The following MIPOL1 variants were observed in gnomAD, a reference collection of about 807,000 sequenced individuals.
The protein encoded by MIPOL1 is mirror-image polydactyly gene 1 protein.
MIPOL1 carries 57 observed loss-of-function variants against 60.9 expected under a neutral mutation model. That is an observed-to-expected ratio of 0.94 (90% CI 0.76 to 1.17). The LOEUF is 1.17. Ranked by LOEUF, MIPOL1 falls within the 50% of genes most tolerant of loss-of-function variation. The pLI is 0.00. For missense variants in MIPOL1, 551 were observed against 511.6 expected (o/e 1.08, Z -0.74); for synonymous variants, 179 against 168.8 (o/e 1.06, Z -0.47).
At chr14:37,244,324 T>C (rs1972839642) in intron 1 of MIPOL1, among the ~76,000 whole-genome samples, 1 of 151,828 alleles carries the variant, frequency 6.6e-6, no homozygotes, top group Admixed American at 6.6e-5. Context: ...GGTTTCACCA[T>C]GTTGGCCAGG....
intron 6 of MIPOL1, among the ~76,000 whole-genome samples, chr14:37,275,860 A>G (rs567505944): frequency 4.0e-5 from 6 of 151,248 alleles, no homozygotes; most frequent in African/African-American, 1.4e-4. Context: ...TGGAGCATGG[A>G]GAGATTATGA....
In MIPOL1 at chr14:37,321,801, C is replaced by A. The variant is rs146241445; in HGVS notation, c.828+13282C>A. Among the ~76,000 whole-genome samples the A allele has an allele frequency of 3.8e-3, 578 of 151,992 alleles. 5 individuals are homozygous for A. Among genetic ancestry groups the A allele is most frequent in the African/African-American group, 0.013 (550 of 41,522 alleles). On this transcript the variant is annotated intron_variant, in intron 9 of 12. Transcript: ENST00000684589. ...TTACTGTATCTTCCTATAGAATAGACTTTTATCATTATGAAATGCCCACTT... is the reference window on the plus strand; with the variant it reads ...TTACTGTATCTTCCTATAGAATAGAATTTTATCATTATGAAATGCCCACTT...
At chr14:37,356,735 C>A (rs959063525) in intron 9 of MIPOL1, among the ~76,000 whole-genome samples, 8 of 152,198 alleles carry the variant, frequency 5.3e-5, no homozygotes, top group African/African-American at 9.6e-5. Context: ...TTGCGCTTCC[C>A]GAGTGAGGCA....
At chr14:37,451,697 G>T (rs1019567538) in intron 11 of MIPOL1, among the ~76,000 whole-genome samples, 2 of 151,722 alleles carry the variant, frequency 1.3e-5, no homozygotes, top group African/African-American at 4.9e-5. Flanking sequence ...GTTAGTTAAA[G>T]GATTATTTTT....
intron 10 of MIPOL1, 176 bp downstream of exon 10, chr14:37,369,800 A>G: frequency 2.4e-6 from 1 of 409,242 alleles, no homozygotes; most frequent in Non-Finnish European, 4.4e-6. Flanking sequence ...ATTTTATTTC[A>G]CGTATGTGTA....
chr14:37,295,457 C>A (rs140689206), intron 7 of MIPOL1, among the ~76,000 whole-genome samples: 2 of 151,950 alleles, frequency 1.3e-5, no homozygotes, highest in Admixed American at 1.3e-4. Context: ...CATAACAATC[C>A]TAACCTTAAA....
Position 37,475,620 on chromosome 14 carries a change from AG to A in MIPOL1, c.1032-24287del, listed in dbSNP as rs1244291753. On this transcript the variant is annotated intron_variant, in intron 11 of 12. Coordinates refer to ENST00000684589, the MANE Select transcript of MIPOL1 (RefSeq NM_001388067.1). The stretch of plus-strand genomic sequence containing the variant: ...TGTGAAAAGTGCAAGGTCTTTGTCT[AG>A]ATTCATTTTTTCATGTGGATATCCA... Among the ~76,000 whole-genome samples, 6 of 152,136 alleles carry A rather than the reference AG, an allele frequency of 3.9e-5. No homozygotes were observed. The East Asian group carries it at 1.2e-3, about 29-fold the overall frequency.
At chr14:37,293,395 G>A (rs541108433) in intron 7 of MIPOL1, among the ~76,000 whole-genome samples, 9 of 152,194 alleles carry the variant, frequency 5.9e-5, no homozygotes, top group East Asian at 1.9e-4. Context: ...TGCAGAAGAC[G>A]GGTGATTTCT....
Position 37,510,683 on chromosome 14 carries a change from A to G in MIPOL1, c.1262+10545A>G, listed in dbSNP as rs1268959659. On this transcript the variant is annotated intron_variant, in intron 12 of 12. Transcript: ENST00000684589. The stretch of plus-strand genomic sequence containing the variant: ...CCTGCTGTAAAGTAAGTACTCTGTA[A>G]ATTGATGAACAAATCAACTATAACA... Among the ~76,000 whole-genome samples the G allele has an allele frequency of 2.6e-5, 4 of 152,194 alleles. No homozygotes were observed. In the East Asian group the frequency reaches 7.7e-4, roughly 29 times the overall value.
intron 11 of MIPOL1, among the ~76,000 whole-genome samples, chr14:37,430,003 C>G (rs966292459): frequency 1.3e-5 from 2 of 152,126 alleles, no homozygotes; most frequent in African/African-American, 2.4e-5. Flanking sequence ...GGGTTGAACA[C>G]TCAATCCTGA....
intron 9 of MIPOL1, among the ~76,000 whole-genome samples, chr14:37,368,086 A>G (rs1360272233): frequency 6.6e-6 from 1 of 152,122 alleles, no homozygotes; most frequent in Non-Finnish European, 1.5e-5. Flanking sequence ...TAGACATGGC[A>G]ATGTAAAAAA....
In MIPOL1 at chr14:37,332,968, C is replaced by T. The variant is rs569334427; in HGVS notation, c.828+24449C>T. Among the ~76,000 whole-genome samples, 9 of 152,208 alleles carry T rather than the reference C, an allele frequency of 5.9e-5. No homozygotes were observed. In the South Asian group the frequency reaches 1.7e-3, roughly 28 times the overall value. On this transcript the variant is annotated intron_variant, in intron 9 of 12. Transcript: ENST00000684589. Reference sequence around the variant, plus strand: ...CATCCCACAGTGTTTTAAGGAGATACTTGCAATACTTTAGCTCACTGCAAT... The same window carrying T: ...CATCCCACAGTGTTTTAAGGAGATATTTGCAATACTTTAGCTCACTGCAAT...
chr14:37,491,168 C>G (rs1015036940), intron 11 of MIPOL1, among the ~76,000 whole-genome samples: 1 of 152,184 alleles, frequency 6.6e-6, no homozygotes, highest in Non-Finnish European at 1.5e-5. Context: ...ATGAAGCACA[C>G]AGTATACTCT....
intron 1 of MIPOL1, among the ~76,000 whole-genome samples, chr14:37,201,320 T>G (rs1381244366): frequency 6.6e-6 from 1 of 152,190 alleles, no homozygotes; most frequent in Non-Finnish European, 1.5e-5. Flanking sequence ...AGTTTGATTC[T>G]TGTCTGAATT....
chr14:37,200,848 CTATG>C lies in MIPOL1; in HGVS notation c.-199+2746_-199+2749del, dbSNP rs1240291033. On this transcript the variant is annotated intron_variant, in intron 1 of 12. Coordinates refer to ENST00000684589, the MANE Select transcript of MIPOL1 (RefSeq NM_001388067.1). ...TATAGATCCATAATACTATATCTAT[CTATG>C]TGTGTGTGTGTGTGTGTGTGTGTGT... Among the ~76,000 whole-genome samples, 67 of 94,884 alleles carry C rather than the reference CTATG, an allele frequency of 7.1e-4. No homozygotes were observed. In the East Asian group the frequency reaches 0.013, roughly 18 times the overall value. 62.2% of individuals were successfully genotyped at this position (94,884 alleles called of 152,430 possible). A position where few individuals can be genotyped will look rare whatever the true frequency, so the allele number is the denominator to read the frequency against.
intron 9 of MIPOL1, among the ~76,000 whole-genome samples, chr14:37,359,371 G>A (rs1300831497): frequency 1.3e-5 from 2 of 152,198 alleles, no homozygotes; most frequent in Non-Finnish European, 2.9e-5. Context: ...ATTCTGTGAA[G>A]AAAGTCAGTG....
chr14:37,546,887 A>G lies in MIPOL1; in HGVS notation c.1263-18A>G. The G allele has an allele frequency of 6.2e-7, 1 of 1,611,266 alleles. No homozygotes were observed. Among genetic ancestry groups the G allele is most frequent in the South Asian group, 1.1e-5 (1 of 90,844 alleles). ...CCCTTTTTTTCCCCTTCTCACCCCC[A>G]TCCCAACCCCAACTTAGGTTGGAAA... On this transcript the variant is annotated intron_variant, in intron 12 of 12. Transcript: ENST00000684589.
intron 11 of MIPOL1, among the ~76,000 whole-genome samples, chr14:37,449,258 A>G (rs2153573181): frequency 6.6e-6 from 1 of 152,298 alleles, no homozygotes; most frequent in East Asian, 1.9e-4. Flanking sequence ...AAAAAAATGG[A>G]AGAAATCTTT....
At chr14:37,217,292 C>A (rs1031606889) in intron 1 of MIPOL1, among the ~76,000 whole-genome samples, 4 of 152,136 alleles carry the variant, frequency 2.6e-5, no homozygotes, top group Admixed American at 2.0e-4. Context: ...GACCTGATGG[C>A]TTTACTGCTG....
Sources: allele counts gnomAD v4.1 joint callset (sites outside exome capture counted in the v4.1 genomes callset), GRCh38; gene constraint gnomAD v4.1.1; transcripts MANE v1.5; gene names NCBI Gene and HGNC (gene_info 2026-07-23, HGNC 2026-07-21).